Variants in GRIN2A observed in about 807,000 individuals in gnomAD.
The protein encoded by GRIN2A is glutamate ionotropic receptor NMDA type subunit 2A.
A neutral mutation model predicts 113.4 loss-of-function variants in GRIN2A; 22 were observed. The ratio of observed to expected loss-of-function variants is 0.19; its 90% CI spans 0.14 to 0.28. GRIN2A has a LOEUF of 0.28. Ranked by LOEUF, GRIN2A falls within the 10% of genes least tolerant of loss-of-function variation. The pLI, the probability that GRIN2A is intolerant of heterozygous loss-of-function variation, is 1.00. For missense variants in GRIN2A, 1,502 were observed against 1,887.0 expected (o/e 0.80, Z 3.78); for synonymous variants, 827 against 738.4 (o/e 1.12, Z -1.94).
At chr16:10,044,034 G>GAA (rs1567257977) in intron 2 of GRIN2A, among the ~76,000 whole-genome samples, 2 of 139,910 alleles carry the variant, frequency 1.4e-5, no homozygotes, top group South Asian at 4.6e-4. Context: ...GAGAGAGAGA[G>GAA]AGAGAGAGAG....
At chr16:10,043,237 G>A (rs568012288) in intron 2 of GRIN2A, among the ~76,000 whole-genome samples, 13 of 152,206 alleles carry the variant, frequency 8.5e-5, no homozygotes, top group Middle Eastern at 3.4e-3. Context: ...GCTTGATGCC[G>A]TTAAGTAACT....
At chr16:9,865,985 C>G (rs2043154495) in intron 4 of GRIN2A, among the ~76,000 whole-genome samples, 1 of 152,200 alleles carries the variant, frequency 6.6e-6, no homozygotes, top group African/African-American at 2.4e-5. Context: ...TGCCTTTGCA[C>G]TAAAAATGCA....
chr16:9,977,604 C>T (rs895909371), intron 2 of GRIN2A, among the ~76,000 whole-genome samples: 2 of 152,288 alleles, frequency 1.3e-5, no homozygotes, highest in African/African-American at 4.8e-5. Flanking sequence ...GAAGGCAGAG[C>T]TCAAGCAATC....
intron 2 of GRIN2A, among the ~76,000 whole-genome samples, chr16:10,161,581 A>G (rs1039374848): frequency 6.6e-6 from 1 of 152,214 alleles, no homozygotes. Context: ...TGATGTGCAG[A>G]GCGTGTGTTT....
chr16:9,771,854 C>G (rs1901293867), intron 11 of GRIN2A, among the ~76,000 whole-genome samples: 1 of 152,116 alleles, frequency 6.6e-6, no homozygotes, highest in Admixed American at 6.5e-5. Context: ...TACATTTGAA[C>G]TCACATGCTC....
At chr16:10,170,653 A>T (rs2050022825) in intron 2 of GRIN2A, among the ~76,000 whole-genome samples, 1 of 152,084 alleles carries the variant, frequency 6.6e-6, no homozygotes, top group Admixed American at 6.5e-5. Flanking sequence ...AGGGAAGAGG[A>T]TTGCTTGAGT....
intron 11 of GRIN2A, among the ~76,000 whole-genome samples, chr16:9,774,772 A>C (rs1901495738): frequency 6.6e-6 from 1 of 152,240 alleles, no homozygotes; most frequent in Non-Finnish European, 1.5e-5. Flanking sequence ...TTGCATACAC[A>C]CAGTGCCTGG....
At chr16:10,051,291 T>A (rs1338161582) in intron 2 of GRIN2A, among the ~76,000 whole-genome samples, 1 of 152,182 alleles carries the variant, frequency 6.6e-6, no homozygotes, top group African/African-American at 2.4e-5. Context: ...CTCAAATAAC[T>A]GCAGTCAGTT....
chr16:9,973,124 C>G (rs963027493), intron 2 of GRIN2A, among the ~76,000 whole-genome samples: 2 of 152,148 alleles, frequency 1.3e-5, no homozygotes, highest in African/African-American at 4.8e-5. Flanking sequence ...CAAAATATCT[C>G]AAGTACCGAT....
intron 2 of GRIN2A, among the ~76,000 whole-genome samples, chr16:10,046,662 C>T (rs528649566): frequency 1.3e-5 from 2 of 152,238 alleles, no homozygotes; most frequent in African/African-American, 4.8e-5. Flanking sequence ...ACACACACAG[C>T]TCTTAATTTC....
chr16:10,169,356 G>A (rs896925248), intron 2 of GRIN2A, among the ~76,000 whole-genome samples: 40 of 152,114 alleles, frequency 2.6e-4, no homozygotes, highest in Admixed American at 7.9e-4. Context: ...CCACACCCTT[G>A]CTAACAGAAG....
intron 4 of GRIN2A, among the ~76,000 whole-genome samples, chr16:9,858,885 G>C (rs530190717): frequency 6.6e-6 from 1 of 152,260 alleles, no homozygotes; most frequent in South Asian, 2.1e-4. Flanking sequence ...GATGTGCGTG[G>C]CTCTTTCAAA....
chr16:9,922,807 C>A (rs1326879646), intron 3 of GRIN2A, among the ~76,000 whole-genome samples: 1 of 151,086 alleles, frequency 6.6e-6, no homozygotes, highest in African/African-American at 2.4e-5. Flanking sequence ...TTCTGGAGAT[C>A]TTTCAGTTAT....
chr16:9,859,107 G>A (rs567139932), intron 4 of GRIN2A, among the ~76,000 whole-genome samples: 5 of 152,032 alleles, frequency 3.3e-5, no homozygotes, highest in Non-Finnish European at 7.4e-5. Context: ...TATAGTAAAA[G>A]CTCTTCTATA....
chr16:10,130,527 T>G (rs1179766160), intron 2 of GRIN2A, among the ~76,000 whole-genome samples: 1 of 152,140 alleles, frequency 6.6e-6, no homozygotes, highest in Non-Finnish European at 1.5e-5. Flanking sequence ...AGACCCATCT[T>G]CCAAGCCATC....
intron 2 of GRIN2A, among the ~76,000 whole-genome samples, chr16:10,003,538 C>A (rs2046356532): frequency 6.6e-6 from 1 of 152,200 alleles, no homozygotes; most frequent in African/African-American, 2.4e-5. Flanking sequence ...AAACCAAGAA[C>A]ACAGTGGGAG....
At chr16:9,903,200 A>G (rs2141524528) in intron 3 of GRIN2A, among the ~76,000 whole-genome samples, 1 of 151,964 alleles carries the variant, frequency 6.6e-6, no homozygotes, top group South Asian at 2.1e-4. Flanking sequence ...CAATCTCCTG[A>G]CCTCATGATC....
chr16:9,870,583 A>G (rs559089802), intron 4 of GRIN2A, among the ~76,000 whole-genome samples: 2 of 150,352 alleles, frequency 1.3e-5, no homozygotes, highest in South Asian at 2.1e-4. Flanking sequence ...TATTATTACA[A>G]TTTTTCAGAG....
chr16:10,048,664 C>T (rs1341041216), intron 2 of GRIN2A, among the ~76,000 whole-genome samples: 2 of 152,128 alleles, frequency 1.3e-5, no homozygotes, highest in African/African-American at 4.8e-5. Context: ...AGGTCTGTGC[C>T]CTCCAGAAAT....
Sources: allele counts gnomAD v4.1 joint callset (sites outside exome capture counted in the v4.1 genomes callset), GRCh38; gene constraint gnomAD v4.1.1; transcripts MANE v1.5; gene names NCBI Gene and HGNC (gene_info 2026-07-23, HGNC 2026-07-21).